FOXP1: variants seen among roughly 807,000 people sequenced by gnomAD.
FOXP1 encodes the protein forkhead box protein P1.
In FOXP1, 15 loss-of-function variants were observed where a neutral mutation model predicts 98.2. That is an observed-to-expected ratio of 0.15 (90% confidence interval 0.10 to 0.24). The LOEUF (loss-of-function observed/expected upper bound fraction) is 0.24. FOXP1 is among the 10% of genes least tolerant of loss of function. The pLI, the probability that FOXP1 is intolerant of heterozygous loss-of-function variation, is 1.00. For synonymous variants in FOXP1, 371 were observed against 314.5 expected, an observed-to-expected ratio of 1.18 and a Z score of -1.90; for missense variants, 633 against 848.5, an observed-to-expected ratio of 0.75 and a Z score of 3.15.
chr3:71,214,190 C>T (rs1481002768), intron 5 of FOXP1, among the ~76,000 whole-genome samples: 1 of 152,210 alleles, frequency 6.6e-6, no homozygotes. Flanking sequence ...GCCCATCCAT[C>T]CATGTGCTAT....
At chr3:71,177,836 C>CTTTCT in intron 6 of FOXP1, among the ~76,000 whole-genome samples, 1 of 114,306 alleles carries the variant, frequency 8.7e-6, no homozygotes, top group Admixed American at 9.2e-5. Context: ...TCTTTTCTTT[C>CTTTCT]TTTCTTTTTT....
intron 5 of FOXP1, among the ~76,000 whole-genome samples, chr3:71,256,770 C>T (rs969305226): frequency 6.6e-6 from 1 of 152,146 alleles, no homozygotes; most frequent in African/African-American, 2.4e-5. Context: ...GCCCTGTCAT[C>T]GCCATGGGGT....
At chr3:71,198,614 T>C (rs1363667693) in intron 5 of FOXP1, among the ~76,000 whole-genome samples, 2 of 152,248 alleles carry the variant, frequency 1.3e-5, no homozygotes, top group Non-Finnish European at 2.9e-5. Context: ...TCAGTAGTAT[T>C]GTTTTAAATA....
At chr3:71,577,113 G>A (rs957904893) in intron 2 of FOXP1, among the ~76,000 whole-genome samples, 1 of 152,192 alleles carries the variant, frequency 6.6e-6, no homozygotes, top group Non-Finnish European at 1.5e-5. Flanking sequence ...GTGAATGGCA[G>A]CTGACTTCTA....
At chr3:71,006,923 T>C (rs1262756847) in intron 12 of FOXP1, among the ~76,000 whole-genome samples, 1 of 152,170 alleles carries the variant, frequency 6.6e-6, no homozygotes, top group Non-Finnish European at 1.5e-5. Flanking sequence ...GTTATTTGCT[T>C]CCTTTTGAGC....
At chr3:71,151,334 G>A (rs549139058) in intron 6 of FOXP1, among the ~76,000 whole-genome samples, 22 of 152,250 alleles carry the variant, frequency 1.4e-4, no homozygotes, top group South Asian at 6.2e-4. Flanking sequence ...TTCACTACGC[G>A]CGTCAGGATT....
At chr3:70,982,771 TCAC>T (rs2039086494) in intron 14 of FOXP1, among the ~76,000 whole-genome samples, 2 of 152,156 alleles carry the variant, frequency 1.3e-5, no homozygotes, top group South Asian at 4.2e-4. Context: ...GATGAGTCAC[TCAC>T]ATTAAAAAAA....
chr3:71,116,566 A>ATTGTGGG (rs1377983777), intron 6 of FOXP1, among the ~76,000 whole-genome samples: 5 of 152,222 alleles, frequency 3.3e-5, no homozygotes, highest in Non-Finnish European at 7.3e-5. Flanking sequence ...ATCCCACAAT[A>ATTGTGGG]ATTCCCCAGC....
chr3:71,313,519 T>A (rs1248637494), intron 4 of FOXP1, among the ~76,000 whole-genome samples: 1 of 151,622 alleles, frequency 6.6e-6, no homozygotes, highest in Non-Finnish European at 1.5e-5. Flanking sequence ...AGATCGAGTA[T>A]CTGCATTTCT....
chr3:70,958,135 T>TTC lies in FOXP1; in HGVS notation c.*1111_*1112insGA. 1 of 320,474 alleles carries TTC rather than the reference T, an allele frequency of 3.1e-6. No homozygotes were observed. The highest frequency in any genetic ancestry group is 5.0e-5 in the East Asian group (1 of 20,184). 19.9% of individuals were successfully genotyped at this position (320,474 alleles called of 1,614,324 possible). A position where few individuals can be genotyped will look rare whatever the true frequency, so the allele number is the denominator to read the frequency against. On this transcript the variant is annotated 3_prime_UTR_variant, in exon 21 of 21. Coordinates refer to ENST00000649528, the MANE Select transcript of FOXP1 (RefSeq NM_001349338.3). Reference sequence around the variant, plus strand: ...ATTAATATGAGCTTTTTTTTTTTTTTCAGTGCTGCCTATGTTTCCTTGTGC... The same window carrying TTC: ...ATTAATATGAGCTTTTTTTTTTTTTTTCCAGTGCTGCCTATGTTTCCTTGTGC...
intron 5 of FOXP1, among the ~76,000 whole-genome samples, chr3:71,297,244 T>C (rs2073392962): frequency 6.6e-6 from 1 of 152,136 alleles, no homozygotes; most frequent in African/African-American, 2.4e-5. Flanking sequence ...CACTTGATAG[T>C]GATTATGAAG....
At chr3:71,202,077 G>C (rs2063713792) in intron 5 of FOXP1, among the ~76,000 whole-genome samples, 1 of 152,188 alleles carries the variant, frequency 6.6e-6, no homozygotes, top group Non-Finnish European at 1.5e-5. Flanking sequence ...CTGGTGGGTG[G>C]AGTAAGAACA....
chr3:71,213,894 T>C (rs887449153), intron 5 of FOXP1, among the ~76,000 whole-genome samples: 1 of 152,196 alleles, frequency 6.6e-6, no homozygotes, highest in East Asian at 1.9e-4. Context: ...AATGGTAACA[T>C]TGTGTTACAT....
intron 7 of FOXP1, among the ~76,000 whole-genome samples, chr3:71,057,225 G>A (rs1168608786): frequency 4.7e-5 from 6 of 129,028 alleles, no homozygotes; most frequent in Non-Finnish European, 6.3e-5. Context: ...ACAGTCATGT[G>A]AGTTTTTAAC....
chr3:71,560,559 T>A (rs1270288683), intron 2 of FOXP1, among the ~76,000 whole-genome samples: 1 of 152,196 alleles, frequency 6.6e-6, no homozygotes, highest in African/African-American at 2.4e-5. Flanking sequence ...TCTAGGTACG[T>A]ACCAAAGAAA....
At chr3:71,238,065 C>A (rs2066946855) in intron 5 of FOXP1, among the ~76,000 whole-genome samples, 1 of 152,182 alleles carries the variant, frequency 6.6e-6, no homozygotes, top group African/African-American at 2.4e-5. Context: ...CTTTACATCC[C>A]ATAGGCACTC....
rs1231740652 is a variant in FOXP1, at chr3:71,431,212, T to C, written c.-168+62214A>G. ...CTTGAGGAGTATCACAAATCTCCAA[T>C]GGGAGCAGAGTTCAGTGGCCGTTCT... On this transcript the variant is annotated intron_variant, in intron 3 of 20. Transcript: ENST00000649528. Among the ~76,000 whole-genome samples, 4 of 152,004 alleles carry C rather than the reference T, an allele frequency of 2.6e-5. No individual in the cohort carries two copies. The East Asian group carries it at 5.8e-4, about 22-fold the overall frequency.
chr3:71,222,368 C>T (rs2065466379), intron 5 of FOXP1, among the ~76,000 whole-genome samples: 1 of 152,130 alleles, frequency 6.6e-6, no homozygotes, highest in Non-Finnish European at 1.5e-5. Context: ...ATAGCACATC[C>T]TCTGGTGCTC....
chr3:71,039,780 T>C (rs528510718), intron 11 of FOXP1, among the ~76,000 whole-genome samples: 222 of 146,410 alleles, frequency 1.5e-3, no homozygotes, highest in African/African-American at 4.6e-3. Flanking sequence ...AAAGAAGACA[T>C]CATAAGAGAT....
Sources: gnomAD v4.1 joint callset for allele counts (sites outside exome capture counted in the v4.1 genomes callset) on GRCh38, gnomAD v4.1.1 for gene constraint, MANE v1.5 for transcripts, NCBI Gene and HGNC (gene_info 2026-07-23, HGNC 2026-07-21) for gene names.